ARL15: variants seen among roughly 807,000 people sequenced by gnomAD.
The protein encoded by ARL15 is ARF like GTPase 15.
ARL15 carries 19 observed loss-of-function variants against 25.2 expected under a neutral mutation model. That is an observed-to-expected ratio of 0.75 (90% CI 0.53 to 1.10). The LOEUF is 1.10. Ranked by LOEUF, ARL15 falls within the 50% of genes least tolerant of loss-of-function variation. ARL15 has a pLI of 0.00. For missense variants in ARL15, 220 were observed against 246.0 expected, an observed-to-expected ratio of 0.89 and a Z score of 0.71; for synonymous variants, 94 against 86.8, an observed-to-expected ratio of 1.08 and a Z score of -0.46.
chr5:53,898,579 C>T (rs1744947667), intron 4 of ARL15, among the ~76,000 whole-genome samples: 1 of 152,192 alleles, frequency 6.6e-6, no homozygotes, highest in African/African-American at 2.4e-5. Context: ...AGTTATTTGG[C>T]AAACAATTTT....
chr5:54,154,266 A>T (rs1048079954), intron 3 of ARL15: 78 of 214,440 alleles, frequency 3.6e-4, no homozygotes, highest in Non-Finnish European at 6.1e-4. Context: ...TCTTTCAATG[A>T]TATTAAAATT....
intron 4 of ARL15, among the ~76,000 whole-genome samples, chr5:54,091,876 G>C (rs767784410): frequency 6.6e-6 from 1 of 152,152 alleles, no homozygotes. Flanking sequence ...GTATACCATA[G>C]AGGGCGGAGA....
intron 1 of ARL15, among the ~76,000 whole-genome samples, chr5:54,233,813 T>C (rs921547622): frequency 2.6e-5 from 4 of 152,218 alleles, no homozygotes; most frequent in South Asian, 2.1e-4. Context: ...TTTCTTCACA[T>C]ACTTTAACCA....
intron 4 of ARL15, among the ~76,000 whole-genome samples, chr5:53,946,455 GAAAAAAAAAAAA>G (rs55727717): frequency 6.6e-4 from 29 of 43,942 alleles, no homozygotes; most frequent in Admixed American, 2.1e-3. Context: ...GTCTCAAGAG[GAAAAAAAAAAAA>G]AAAAAAAAAA....
At chr5:53,925,250 G>A (rs550859766) in intron 4 of ARL15, among the ~76,000 whole-genome samples, 1 of 151,474 alleles carries the variant, frequency 6.6e-6, no homozygotes, top group East Asian at 1.9e-4. Flanking sequence ...ACGCTGGAGT[G>A]CAGTGGTGCA....
At chr5:53,954,901 A>G (rs1747094048) in intron 4 of ARL15, among the ~76,000 whole-genome samples, 1 of 152,030 alleles carries the variant, frequency 6.6e-6, no homozygotes, top group Non-Finnish European at 1.5e-5. Context: ...ACATTGCACC[A>G]GCTCTTCGGT....
rs148976235 is a variant in ARL15 at position 54,170,834 on chromosome 5, G to A, written c.193+950C>T. On this transcript the variant is annotated intron_variant, in intron 2 of 4. Coordinates refer to ENST00000504924, the MANE Select transcript of ARL15 (RefSeq NM_019087.3). ...AGACTCCTGGAATGCTGAAATCATC[G>A]CTTATCTCATGTCTAACACTGGACC... is the stretch of plus-strand genomic sequence containing the variant. Among the ~76,000 whole-genome samples the A allele has an allele frequency of 5.0e-3, 755 of 152,150 alleles. 5 individuals carry two copies. The highest frequency in any genetic ancestry group is 0.017 in the African/African-American group (714 of 41,528).
At chr5:54,004,634 G>A (rs1016496806) in intron 4 of ARL15, among the ~76,000 whole-genome samples, 4 of 152,094 alleles carry the variant, frequency 2.6e-5, no homozygotes, top group Admixed American at 6.5e-5. Flanking sequence ...ATTGATTGCC[G>A]CCTCTCTATC....
intron 1 of ARL15, among the ~76,000 whole-genome samples, chr5:54,234,146 C>A (rs545437658): frequency 5.3e-5 from 8 of 152,054 alleles, no homozygotes; most frequent in Non-Finnish European, 4.4e-5. Context: ...TAGGCGCGTG[C>A]CACCAAGCCC....
At chr5:54,065,306 G>A (rs1290337761) in intron 4 of ARL15, among the ~76,000 whole-genome samples, 1 of 152,116 alleles carries the variant, frequency 6.6e-6, no homozygotes, top group Non-Finnish European at 1.5e-5. Flanking sequence ...TTAGAGCTAT[G>A]CTAGCAAATA....
intron 4 of ARL15, among the ~76,000 whole-genome samples, chr5:54,056,626 TAAAA>T (rs34643850): frequency 0.011 from 1,272 of 112,630 alleles, 26 homozygotes; most frequent in African/African-American, 0.036. Context: ...TAAAACTGTC[TAAAA>T]AAAAAAAAAA....
At chr5:54,303,795 G>T (rs1469086206) in intron 1 of ARL15, among the ~76,000 whole-genome samples, 2 of 152,010 alleles carry the variant, frequency 1.3e-5, no homozygotes, top group African/African-American at 4.8e-5. Flanking sequence ...AAACAAAACT[G>T]GGGCTTGGGG....
intron 1 of ARL15, among the ~76,000 whole-genome samples, chr5:54,302,116 G>A (rs1758630304): frequency 6.6e-6 from 1 of 152,194 alleles, no homozygotes; most frequent in Non-Finnish European, 1.5e-5. Flanking sequence ...AGTGGGAGCT[G>A]CACTGTCACT....
intron 4 of ARL15, among the ~76,000 whole-genome samples, chr5:54,065,559 C>T (rs1047927323): frequency 7.8e-5 from 7 of 90,154 alleles, no homozygotes; most frequent in African/African-American, 2.7e-4. Flanking sequence ...CCAGCTACTC[C>T]GGAGGCTGAG....
chr5:54,255,951 C>G (rs1757350741), intron 1 of ARL15, among the ~76,000 whole-genome samples: 1 of 151,788 alleles, frequency 6.6e-6, no homozygotes, highest in African/African-American at 2.4e-5. Context: ...GCACTAAATG[C>G]CAACATCAAC....
chr5:54,122,343 T>C (rs1753105761), intron 3 of ARL15, among the ~76,000 whole-genome samples: 1 of 152,232 alleles, frequency 6.6e-6, no homozygotes, highest in South Asian at 2.1e-4. Context: ...ACAGCATGAT[T>C]AGTCGTGTTA....
chr5:54,091,049 AC>A (rs1752112427), intron 4 of ARL15, among the ~76,000 whole-genome samples: 1 of 152,198 alleles, frequency 6.6e-6, no homozygotes, highest in Non-Finnish European at 1.5e-5. Context: ...TAGGTTGAAA[AC>A]CAGAGGAATC....
intron 1 of ARL15, among the ~76,000 whole-genome samples, chr5:54,184,489 G>A (rs183579405): frequency 1.4e-5 from 2 of 140,226 alleles, no homozygotes; most frequent in East Asian, 4.4e-4. Context: ...GAGAGACTAG[G>A]TTCCACAAGT....
Position 54,159,013 on chromosome 5 carries a change from G to A in ARL15, c.194-4374C>T, listed in dbSNP as rs142313194. ...TTGTCCAATTTTGAGCCTAAATACTGGTAAAGTCAACTGACCAAAATACAC... is the reference window on the plus strand; with the variant it reads ...TTGTCCAATTTTGAGCCTAAATACTAGTAAAGTCAACTGACCAAAATACAC... On this transcript the variant is annotated intron_variant, in intron 2 of 4. Coordinates refer to ENST00000504924, the MANE Select transcript of ARL15 (RefSeq NM_019087.3). Among the ~76,000 whole-genome samples, 248 of 152,180 alleles carry A rather than the reference G, an allele frequency of 1.6e-3. 2 individuals carry two copies. The highest frequency in any genetic ancestry group is 8.0e-3 in the Admixed American group (123 of 15,286).
Sources: gnomAD v4.1 joint callset for allele counts (sites outside exome capture counted in the v4.1 genomes callset) on GRCh38, gnomAD v4.1.1 for gene constraint, MANE v1.5 for transcripts, NCBI Gene and HGNC (gene_info 2026-07-23, HGNC 2026-07-21) for gene names.